The following AKAP13 variants were observed in gnomAD, a reference collection of about 807,000 sequenced individuals.
AKAP13 encodes the protein A-kinase anchor protein 13.
A neutral mutation model predicts 264.5 loss-of-function variants in AKAP13; 80 were observed. The observed-to-expected ratio is 0.30, with a 90% CI of 0.25 to 0.36. AKAP13 has a LOEUF of 0.36. Ranked by LOEUF, AKAP13 falls within the 10% of genes least tolerant of loss-of-function variation. The pLI, the probability that AKAP13 is intolerant of heterozygous loss-of-function variation, is 1.00. For synonymous variants in AKAP13, 1,380 were observed against 1,250.2 expected, an observed-to-expected ratio of 1.10 and a Z score of -2.19; for missense variants, 3,712 against 3,435.2, an observed-to-expected ratio of 1.08 and a Z score of -2.01.
chr15:85,439,260 C>G (rs1390334405), intron 1 of AKAP13, among the ~76,000 whole-genome samples: 2 of 146,324 alleles, frequency 1.4e-5, no homozygotes, highest in Admixed American at 6.8e-5. Flanking sequence ...CAAATCAAAA[C>G]CACAATGAGA....
Position 85,744,907 on chromosome 15 carries a change from C to A in AKAP13, c.*230C>A. The A allele has an allele frequency of 2.1e-6, 1 of 467,536 alleles. No individual in the cohort carries two copies. The highest frequency in any genetic ancestry group is 3.8e-6 in the Non-Finnish European group (1 of 266,196). 29.0% of individuals were successfully genotyped at this position (467,536 alleles called of 1,614,324 possible). On this transcript the variant is annotated 3_prime_UTR_variant, in exon 37 of 37. Transcript: ENST00000394518. ...ATGATTTGTGACTGCCCAGGACTCTCAGGTTGGGCTGGCCCTACTCAGGAT... is the reference window on the plus strand; with the variant it reads ...ATGATTTGTGACTGCCCAGGACTCTAAGGTTGGGCTGGCCCTACTCAGGAT...
Position 85,580,800 on chromosome 15 carries a change from A to T in AKAP13, c.2732A>T (p.Glu911Val). 1 of 1,614,112 alleles carries T rather than the reference A, an allele frequency of 6.2e-7. No homozygotes were observed. Among genetic ancestry groups the T allele is most frequent in the Non-Finnish European group, 8.5e-7 (1 of 1,180,026 alleles). Residue 911 changes from glutamate (E) to valine (V), a missense_variant, in exon 7 of 37, where the codon GAA (glutamate) becomes GTA (valine). Around this residue, in one of 3 missense-constraint regions of AKAP13, gnomAD observed 2,759 missense variants for 2,411.7 expected, o/e 1.14. Transcript: ENST00000394518. ...TLALDSVLTEEGKLLVVSESS... is the reference protein window; with the variant it reads ...TLALDSVLTEVGKLLVVSESS... ...GCTTTAGATTCAGTTTTGACTGAAG[A>T]AGGAAAACTTCTGGTGGTTTCAGAA... is the stretch of plus-strand genomic sequence containing the variant.
rs776928146 is a variant in AKAP13, at chr15:85,735,051, A to G, written c.7342A>G (p.Ser2448Gly). ...GGGAGGCACACTTGGGCCGACTGTC[A>G]GCAGCCCCATTGAGCAAGATGTGGT... ...NLGGTLGPTV[S>G]SPIEQDVVGP... Residue 2448 changes from serine (S) to glycine (G), a missense_variant, in exon 31 of 37, where the codon AGC becomes GGC. Physicochemically the swap from Ser to Gly is moderately conservative, Grantham distance 56. Transcript: ENST00000394518. 1.2e-6 allele frequency: 2 copies of G among 1,614,136 alleles called. No individual in the cohort carries two copies. Among genetic ancestry groups the G allele is most frequent in the Admixed American group, 3.3e-5 (2 of 60,008 alleles).
chr15:85,628,897 T>A (rs1338621870), intron 8 of AKAP13, among the ~76,000 whole-genome samples: 1 of 152,134 alleles, frequency 6.6e-6, no homozygotes, highest in Non-Finnish European at 1.5e-5. Flanking sequence ...CTAAGACAAA[T>A]ATAAGAATAA....
At chr15:85,709,885 G>A (rs549529625) in intron 18 of AKAP13, among the ~76,000 whole-genome samples, 4 of 151,924 alleles carry the variant, frequency 2.6e-5, no homozygotes, top group East Asian at 1.9e-4. Context: ...ACAGGGTTTC[G>A]CCATGTTGGC....
intron 2 of AKAP13, among the ~76,000 whole-genome samples, chr15:85,487,743 A>G (rs1362178524): frequency 6.6e-6 from 1 of 150,382 alleles, no homozygotes; most frequent in Non-Finnish European, 1.5e-5. Flanking sequence ...TTATTTATGT[A>G]TTTATTGAGA....
intron 3 of AKAP13, among the ~76,000 whole-genome samples, chr15:85,529,626 A>G (rs893735605): frequency 1.3e-5 from 2 of 152,214 alleles, no homozygotes; most frequent in Non-Finnish European, 2.9e-5. Context: ...GTGCTTTATC[A>G]GAAAGGTTAT....
At chr15:85,544,758 CATT>C (rs1397223921) in intron 5 of AKAP13, among the ~76,000 whole-genome samples, 3 of 152,190 alleles carry the variant, frequency 2.0e-5, no homozygotes, top group African/African-American at 7.2e-5. Context: ...TGGTTATCAT[CATT>C]ATCTTTTCCA....
At chr15:85,616,592 T>C (rs112996430) in intron 8 of AKAP13, among the ~76,000 whole-genome samples, 2 of 152,104 alleles carry the variant, frequency 1.3e-5, no homozygotes, top group African/African-American at 4.8e-5. Flanking sequence ...TGGCTGTAAA[T>C]AATAAAATAT....
In AKAP13 at chr15:85,658,558, T is replaced by G. The variant is rs2083202830; in HGVS notation, c.4767T>G (p.Asp1589Glu). 1 of 1,613,990 alleles carries G rather than the reference T, an allele frequency of 6.2e-7. No homozygotes were observed. Residue 1589 changes from aspartate to glutamate, a missense_variant, in exon 12 of 37, where the codon GAT becomes GAG. This residue lies in a region of AKAP13 where 2,759 missense variants were observed against 2,411.7 expected (regional missense o/e 1.14). Transcript: ENST00000394518. ...TCAGTTCAATGCGAGTTCTTGGGGA[T>G]GTTGTCAGGAGACCTCCCATTCATA... The part of the protein sequence containing the change: ...NHRSSMRVLG[D>E]VVRRPPIHRR...
In AKAP13 at chr15:85,543,094, C is replaced by T. The variant is rs115571948; in HGVS notation, c.479-678C>T. 7.2e-3 allele frequency among the ~76,000 whole-genome samples: 1,094 copies of T among 152,270 alleles called. 13 individuals are homozygous for T. Among genetic ancestry groups the T allele is most frequent in the African/African-American group, 0.025 (1,030 of 41,564 alleles). ...GAGCCTTTATTTCAAGTTAAATAAA[C>T]GTTTTCCTTTCTGCAGTTATTAGTG... is the stretch of plus-strand genomic sequence containing the variant. On this transcript the variant is annotated intron_variant, in intron 4 of 36. Coordinates refer to ENST00000394518, the MANE Select transcript of AKAP13 (RefSeq NM_007200.5).
chr15:85,493,894 G>A (rs2075801495), intron 2 of AKAP13, among the ~76,000 whole-genome samples: 1 of 152,210 alleles, frequency 6.6e-6, no homozygotes, highest in Non-Finnish European at 1.5e-5. Context: ...AAATAACCAT[G>A]TGTATCCACA....
intron 3 of AKAP13, among the ~76,000 whole-genome samples, chr15:85,528,056 A>G (rs2077137443): frequency 1.3e-5 from 2 of 152,172 alleles, no homozygotes; most frequent in African/African-American, 2.4e-5. Flanking sequence ...CCCAGATGGG[A>G]TGCATTCCAC....
At chr15:85,743,937 A>G (rs2089246336) in intron 36 of AKAP13, 112 bp downstream of exon 36, 3 of 1,248,122 alleles carry the variant, frequency 2.4e-6, no homozygotes, top group Non-Finnish European at 3.2e-6. Context: ...CAGATGCTCA[A>G]AAGCCAAACT....
intron 17 of AKAP13, 30 bp from the exon 18 acceptor site, chr15:85,707,989 C>T: frequency 6.2e-7 from 1 of 1,611,632 alleles, no homozygotes; most frequent in Non-Finnish European, 8.5e-7. Flanking sequence ...TTGCTTTGTC[C>T]ATGTGACCTT....
chr15:85,402,803 A>T (rs2071487233), intron 1 of AKAP13, among the ~76,000 whole-genome samples: 1 of 152,192 alleles, frequency 6.6e-6, no homozygotes, highest in Non-Finnish European at 1.5e-5. Flanking sequence ...TAGCTTGGCT[A>T]AACTCCCACA....
chr15:85,668,848 C>T (rs1179421607), intron 13 of AKAP13, among the ~76,000 whole-genome samples: 3 of 152,018 alleles, frequency 2.0e-5, no homozygotes, highest in Non-Finnish European at 2.9e-5. Context: ...GAGGCTGAGG[C>T]GGGAGAATCG....
intron 17 of AKAP13, among the ~76,000 whole-genome samples, chr15:85,694,997 G>C (rs1233466778): frequency 6.6e-6 from 1 of 150,498 alleles, no homozygotes; most frequent in Non-Finnish European, 1.5e-5. Context: ...CTCACTAGTT[G>C]CCCAGGCTAA....
At chr15:85,441,243 A>G (rs1042953182) in intron 1 of AKAP13, among the ~76,000 whole-genome samples, 9 of 151,764 alleles carry the variant, frequency 5.9e-5, no homozygotes, top group Non-Finnish European at 4.4e-5. Context: ...TGTATTGATA[A>G]TGACCAATAA....
Sources: allele counts gnomAD v4.1 joint callset (sites outside exome capture counted in the v4.1 genomes callset), GRCh38; gene constraint gnomAD v4.1.1; regional missense constraint gnomAD v4.1.1; transcripts MANE v1.5; gene names NCBI Gene and HGNC (gene_info 2026-07-23, HGNC 2026-07-21).